MTMR2: variants seen among roughly 807,000 people sequenced by gnomAD.
MTMR2 encodes the protein myotubularin related protein 2.
Under a neutral mutation model 86.9 loss-of-function variants are expected in MTMR2, and 55 were observed. The observed-to-expected ratio is 0.63, with a 90% CI of 0.51 to 0.79. The LOEUF (loss-of-function observed/expected upper bound fraction) is 0.79, where lower values mean the gene tolerates loss of function less well. MTMR2 is among the 30% of genes least tolerant of loss of function. The pLI, the probability that MTMR2 is intolerant of heterozygous loss-of-function variation, is 0.00. For missense variants in MTMR2, 659 were observed against 772.3 expected, an observed-to-expected ratio of 0.85 and a Z score of 1.74; for synonymous variants, 241 against 266.8, an observed-to-expected ratio of 0.90 and a Z score of 0.94.
At chr11:95,887,436 T>A (rs1023715920) in intron 2 of MTMR2, among the ~76,000 whole-genome samples, 9 of 151,970 alleles carry the variant, frequency 5.9e-5, no homozygotes, top group African/African-American at 2.2e-4. Flanking sequence ...AAAAAAACGA[T>A]TATGAAGTAA....
At chr11:95,841,500 G>T in intron 12 of MTMR2, 117 bp downstream of exon 12, 1 of 794,146 alleles carries the variant, frequency 1.3e-6, no homozygotes. Flanking sequence ...CATGGACATG[G>T]AGATGTTACA....
At chr11:95,881,631 A>C (rs1008806018) in intron 2 of MTMR2, among the ~76,000 whole-genome samples, 1 of 152,052 alleles carries the variant, frequency 6.6e-6, no homozygotes, top group Non-Finnish European at 1.5e-5. Flanking sequence ...CACATTTTCT[A>C]AACATTTTTG....
At chr11:95,890,807 A>G (rs1865689601) in intron 1 of MTMR2, among the ~76,000 whole-genome samples, 1 of 152,202 alleles carries the variant, frequency 6.6e-6, no homozygotes, top group Non-Finnish European at 1.5e-5. Context: ...AAGAGGCTGA[A>G]GCAGAAGGAT....
At chr11:95,875,447 CA>C (rs1345513384) in intron 2 of MTMR2, among the ~76,000 whole-genome samples, 1 of 152,210 alleles carries the variant, frequency 6.6e-6, no homozygotes, top group African/African-American at 2.4e-5. Context: ...TCAGCTCCAT[CA>C]GGTCCTTTCA....
chr11:95,838,162 A>G lies in MTMR2; in HGVS notation c.1525T>C (p.Leu509=). 2 of 1,611,410 alleles carry G rather than the reference A, an allele frequency of 1.2e-6. No individual in the cohort carries two copies. Reference sequence around the variant, plus strand: ...AATAAGCAGCTGTATAGGTGGTCCAAAATGGTAATGAGAAAATACTCATTG... The same window carrying G: ...AATAAGCAGCTGTATAGGTGGTCCAGAATGGTAATGAGAAAATACTCATTG... ...EFNEYFLITI[L]DHLYSCLFGT... The change falls in exon 13 of 15, where the codon TTG becomes CTG. Residue 509 remains leucine (L), a synonymous_variant. Coordinates refer to ENST00000346299, the MANE Select transcript of MTMR2 (RefSeq NM_016156.6).
intron 7 of MTMR2, among the ~76,000 whole-genome samples, chr11:95,853,396 T>TCTACA (rs200968009): frequency 0.015 from 2,337 of 152,282 alleles, 23 homozygotes; most frequent in Non-Finnish European, 0.025. Flanking sequence ...TAATCCATTC[T>TCTACA]CTACACTGCC....
intron 5 of MTMR2, among the ~76,000 whole-genome samples, chr11:95,861,402 G>GTTGTTATTATTATTATTATTA (rs1555064755): frequency 7.1e-6 from 1 of 140,978 alleles, no homozygotes; most frequent in African/African-American, 2.6e-5. Flanking sequence ...ATTAAAGATG[G>GTTGTTATTATTATTATTATTA]TTATTATTAT....
At chr11:95,914,499 A>T (rs899254288) in intron 1 of MTMR2, among the ~76,000 whole-genome samples, 2 of 152,150 alleles carry the variant, frequency 1.3e-5, no homozygotes, top group Non-Finnish European at 2.9e-5. Context: ...GATACTACCG[A>T]TACTACCCTC....
chr11:95,917,634 A>C (rs1223219913), intron 1 of MTMR2, among the ~76,000 whole-genome samples: 1 of 152,348 alleles, frequency 6.6e-6, no homozygotes, highest in Non-Finnish European at 1.5e-5. Flanking sequence ...CAGCCCATCA[A>C]AACATATTTC....
At chr11:95,900,809 C>T (rs1231134231) in intron 1 of MTMR2, among the ~76,000 whole-genome samples, 1 of 152,210 alleles carries the variant, frequency 6.6e-6, no homozygotes, top group East Asian at 1.9e-4. Flanking sequence ...CCTGAATCTA[C>T]ATGAGAATCA....
At position 95,844,949 on chromosome 11, in the gene MTMR2, T is replaced by TAG; in HGVS notation, c.1386+3_1386+4insCT. On this transcript the variant is annotated splice_donor_region_variant and intron_variant, in intron 11 of 14. Transcript: ENST00000346299. ...TATATCCAAAGTCAAGGTTCCTTAC[T>TAG]TACTAGTTGAAATCGATGTCCAAAA... 1 of 1,586,262 alleles carries TAG rather than the reference T, an allele frequency of 6.3e-7. No homozygotes were observed. The highest frequency in any genetic ancestry group is 8.6e-7 in the Non-Finnish European group (1 of 1,157,538).
chr11:95,884,108 A>AT (rs1297539169), intron 2 of MTMR2, among the ~76,000 whole-genome samples: 1 of 152,208 alleles, frequency 6.6e-6, no homozygotes, highest in East Asian at 1.9e-4. Context: ...CATCACACAC[A>AT]TAAGAGCCAA....
At chr11:95,849,588 C>G in intron 9 of MTMR2, 86 bp downstream of exon 9, 1 of 1,210,176 alleles carries the variant, frequency 8.3e-7, no homozygotes, top group Admixed American at 1.7e-5. Context: ...CACTGTAGAG[C>G]CTGAGCTCTT....
At chr11:95,898,069 A>T (rs1030742401) in intron 1 of MTMR2, among the ~76,000 whole-genome samples, 2 of 152,054 alleles carry the variant, frequency 1.3e-5, no homozygotes, top group Non-Finnish European at 2.9e-5. Context: ...TCTTTCAAAT[A>T]CTACATATGG....
At chr11:95,916,656 A>C (rs1202049774) in intron 1 of MTMR2, among the ~76,000 whole-genome samples, 1 of 149,108 alleles carries the variant, frequency 6.7e-6, no homozygotes, top group Non-Finnish European at 1.5e-5. Context: ...GTAGAACTTA[A>C]AAAAAAAAAA....
chr11:95,842,155 T>C (rs1863575914), intron 11 of MTMR2, among the ~76,000 whole-genome samples: 1 of 152,138 alleles, frequency 6.6e-6, no homozygotes, highest in South Asian at 2.1e-4. Flanking sequence ...AAATCACCCA[T>C]TATCCTGCCA....
intron 1 of MTMR2, among the ~76,000 whole-genome samples, chr11:95,916,306 CTT>C (rs1214504711): frequency 3.9e-5 from 6 of 152,156 alleles, no homozygotes. Flanking sequence ...ATCCCAGCCT[CTT>C]GTTTACCTAC....
At chr11:95,882,814 C>T (rs1301584354) in intron 2 of MTMR2, among the ~76,000 whole-genome samples, 3 of 150,294 alleles carry the variant, frequency 2.0e-5, no homozygotes, top group Non-Finnish European at 4.4e-5. Context: ...GCTCCGCCTC[C>T]CGGGTTCACG....
intron 1 of MTMR2, among the ~76,000 whole-genome samples, chr11:95,908,117 A>G (rs1302767583): frequency 6.6e-6 from 1 of 152,122 alleles, no homozygotes; most frequent in East Asian, 1.9e-4. Context: ...CCCAAAAGCT[A>G]CTAGATCTGA....
Sources: allele counts gnomAD v4.1 joint callset (sites outside exome capture counted in the v4.1 genomes callset), GRCh38; gene constraint gnomAD v4.1.1; transcripts MANE v1.5; gene names NCBI Gene and HGNC (gene_info 2026-07-23, HGNC 2026-07-21).